The following TIAM1 variants were observed in gnomAD, a reference collection of about 807,000 sequenced individuals.
The protein encoded by TIAM1 is rho guanine nucleotide exchange factor TIAM1.
Under a neutral mutation model 163.5 loss-of-function variants are expected in TIAM1, and 65 were observed. That is an observed-to-expected ratio of 0.40 (90% CI 0.33 to 0.49). The LOEUF (loss-of-function observed/expected upper bound fraction) is 0.49, where lower values mean the gene tolerates loss of function less well. TIAM1 is among the 20% of genes least tolerant of loss of function. The pLI is 0.77. For missense variants in TIAM1, 1,789 were observed against 2,044.7 expected, an observed-to-expected ratio of 0.87 and a Z score of 2.41; for synonymous variants, 833 against 810.1, an observed-to-expected ratio of 1.03 and a Z score of -0.48.
At chr21:31,498,385 G>A (rs2046735809) in intron 1 of TIAM1, among the ~76,000 whole-genome samples, 1 of 152,176 alleles carries the variant, frequency 6.6e-6, no homozygotes, top group South Asian at 2.1e-4. Context: ...GCCAGACTGA[G>A]AAGATGGTGA....
chr21:31,366,012 G>A (rs746688206), intron 2 of TIAM1, among the ~76,000 whole-genome samples: 9 of 149,396 alleles, frequency 6.0e-5, no homozygotes, highest in Non-Finnish European at 1.3e-4. Context: ...CACTTAACCC[G>A]GGAGGTGGAG....
intron 1 of TIAM1, among the ~76,000 whole-genome samples, chr21:31,491,393 C>T (rs1319608025): frequency 6.6e-6 from 1 of 152,192 alleles, no homozygotes; most frequent in Non-Finnish European, 1.5e-5. Context: ...AGGCTCATTA[C>T]TAAGAGTCTG....
intron 5 of TIAM1, among the ~76,000 whole-genome samples, chr21:31,247,190 G>A (rs1419592249): frequency 3.3e-5 from 5 of 151,752 alleles, no homozygotes; most frequent in Admixed American, 6.6e-5. Context: ...ACATGCCTGC[G>A]GTTCCAGCGA....
intron 1 of TIAM1, among the ~76,000 whole-genome samples, chr21:31,495,191 C>T (rs1161189115): frequency 1.3e-5 from 2 of 152,078 alleles, no homozygotes; most frequent in African/African-American, 2.4e-5. Context: ...ATTTTGGTAA[C>T]GTGTATGTCT....
intron 14 of TIAM1, among the ~76,000 whole-genome samples, chr21:31,183,124 T>C (rs2085116059): frequency 6.6e-6 from 1 of 152,210 alleles, no homozygotes; most frequent in African/African-American, 2.4e-5. Flanking sequence ...ACTCTGGCTA[T>C]GAGGACAGAA....
Position 31,120,939 on chromosome 21 carries a change from T to C in TIAM1, c.4307-102A>G. ...CAGGAGAAAATAAAAACCAAAACGG[T>C]ATGCATTGAATGCCTTGATGTCTTT... On this transcript the variant is annotated intron_variant, in intron 27 of 27. Coordinates refer to ENST00000541036, the MANE Select transcript of TIAM1 (RefSeq NM_001353694.2). This position sits in a 1 kb window ranked among gnomAD's most constrained non-coding sequence, Gnocchi z 4.2. 8.9e-7 allele frequency: 1 copy of C among 1,123,718 alleles called. No individual in the cohort carries two copies. The highest frequency in any genetic ancestry group is 1.2e-6 in the Non-Finnish European group (1 of 810,100). The allele number at this position is 1,123,718 out of a possible 1,614,324, so 69.6% of individuals were successfully genotyped here.
At chr21:31,324,137 G>A (rs1327478844) in intron 2 of TIAM1, among the ~76,000 whole-genome samples, 2 of 152,034 alleles carry the variant, frequency 1.3e-5, no homozygotes, top group African/African-American at 2.4e-5. Context: ...AGTAATGGCC[G>A]CTTGACCCCC....
intron 2 of TIAM1, among the ~76,000 whole-genome samples, chr21:31,431,062 G>A (rs542590736): frequency 5.3e-5 from 8 of 152,176 alleles, no homozygotes; most frequent in South Asian, 2.1e-4. Context: ...AGGTGACCAG[G>A]CCCTTTGATT....
chr21:31,359,516 C>T lies in TIAM1; in HGVS notation c.-368-20094G>A, dbSNP rs538041332. Among the ~76,000 whole-genome samples the T allele has an allele frequency of 2.6e-5, 4 of 151,938 alleles. No homozygotes were observed. The East Asian group carries it at 5.8e-4, about 22-fold the overall frequency. On this transcript the variant is annotated intron_variant, in intron 2 of 28. Transcript: ENST00000286827. ...GACATAGAAAATACAGTGAAAGGGC[C>T]GGGCATGGTGGCTCACGCTTGTAAT...
intron 2 of TIAM1, among the ~76,000 whole-genome samples, chr21:31,411,583 C>A (rs1464755888): frequency 1.3e-5 from 2 of 149,730 alleles, no homozygotes; most frequent in Non-Finnish European, 2.9e-5. Context: ...TCAAGCAATT[C>A]TCCTGCCTCA....
At chr21:31,363,185 A>G (rs972536015) in intron 2 of TIAM1, among the ~76,000 whole-genome samples, 2 of 152,116 alleles carry the variant, frequency 1.3e-5, no homozygotes, top group African/African-American at 4.8e-5. Context: ...GCTGGCAGCC[A>G]TGCTTCTGTT....
At chr21:31,480,413 GA>G (rs1393188506) in intron 1 of TIAM1, among the ~76,000 whole-genome samples, 1 of 152,222 alleles carries the variant, frequency 6.6e-6, no homozygotes, top group African/African-American at 2.4e-5. Context: ...TTACCCAAGG[GA>G]GGCTTGGGAT....
At chr21:31,508,387 CTTTTTTTTTT>C (rs200164021) in intron 1 of TIAM1, among the ~76,000 whole-genome samples, 3 of 126,560 alleles carry the variant, frequency 2.4e-5, no homozygotes, top group Non-Finnish European at 3.4e-5. Context: ...ATTGAAATTT[CTTTTTTTTTT>C]TTTTTTTTGA....
intron 2 of TIAM1, among the ~76,000 whole-genome samples, chr21:31,298,799 TGAGA>T (rs72318608): frequency 0.011 from 1,455 of 130,002 alleles, 14 homozygotes; most frequent in African/African-American, 0.02. Flanking sequence ...AAAAAAACAA[TGAGA>T]GAGAGAGAGA....
chr21:31,361,964 A>G (rs1040826667), intron 2 of TIAM1, among the ~76,000 whole-genome samples: 2 of 152,170 alleles, frequency 1.3e-5, no homozygotes, highest in Admixed American at 6.5e-5. Flanking sequence ...ACATACACAT[A>G]TATGTGCATG....
At chr21:31,549,233 A>G (rs760675942) in intron 1 of TIAM1, among the ~76,000 whole-genome samples, 2 of 152,234 alleles carry the variant, frequency 1.3e-5, no homozygotes, top group Non-Finnish European at 2.9e-5. Flanking sequence ...TAGTCATGCC[A>G]GAAGTGTAGA....
chr21:31,399,885 G>A (rs2077135531), intron 2 of TIAM1, among the ~76,000 whole-genome samples: 5 of 151,974 alleles, frequency 3.3e-5, no homozygotes, highest in Admixed American at 3.3e-4. Context: ...TAACTTCATG[G>A]TTGCCTTGGA....
At chr21:31,546,505 G>A (rs112600520) in intron 1 of TIAM1, among the ~76,000 whole-genome samples, 3,543 of 147,956 alleles carry the variant, frequency 0.024, 151 homozygotes, top group African/African-American at 0.083. Flanking sequence ...AGATGAGATC[G>A]CACCATTGCA....
chr21:31,478,494 C>A (rs1401248925), intron 1 of TIAM1, among the ~76,000 whole-genome samples: 13 of 152,236 alleles, frequency 8.5e-5, no homozygotes, highest in African/African-American at 3.1e-4. Flanking sequence ...AATACATATC[C>A]TGGCGACTTG....
Sources: gnomAD v4.1 joint callset for allele counts (sites outside exome capture counted in the v4.1 genomes callset) on GRCh38, gnomAD v4.1.1 for gene constraint, Gnocchi (gnomAD v3.1) non-coding constraint, MANE v1.5 for transcripts, NCBI Gene and HGNC (gene_info 2026-07-23, HGNC 2026-07-21) for gene names.